ARHGEF25: variants seen among roughly 807,000 people sequenced by gnomAD.
The protein encoded by ARHGEF25 is Rho guanine nucleotide exchange factor 25.
In ARHGEF25, 42 loss-of-function variants were observed where a neutral mutation model predicts 74.0. The observed-to-expected ratio is 0.57, with a 90% CI of 0.44 to 0.73. The LOEUF (loss-of-function observed/expected upper bound fraction) is 0.73. Among genes scored for constraint, ARHGEF25 ranks in the 30% least tolerant of loss-of-function variants. The pLI is 0.00. For synonymous variants in ARHGEF25, 293 were observed against 278.6 expected, an observed-to-expected ratio of 1.05 and a Z score of -0.51; for missense variants, 645 against 725.5, an observed-to-expected ratio of 0.89 and a Z score of 1.27.
Position 57,615,264 on chromosome 12 carries a change from C to CCCAA in ARHGEF25, c.989_992dup (p.Lys331AsnfsTer17). Reference sequence around the variant, plus strand: ...AGCTGTGGAGGTCATGTGCTTTGTGCCCAAGCGCTGCAACGATATGATGAC... The same window carrying CCCAA: ...AGCTGTGGAGGTCATGTGCTTTGTGCCCAACCAAGCGCTGCAACGATATGATGAC... On this transcript the variant is annotated frameshift_variant, in exon 11 of 15. Coordinates refer to ENST00000286494, the MANE Select transcript of ARHGEF25 (RefSeq NM_182947.4). LOFTEE classifies it high-confidence loss of function. 6.2e-7 allele frequency: 1 copy of CCCAA among 1,607,758 alleles called. No individual in the cohort carries two copies. Among genetic ancestry groups the CCCAA allele is most frequent in the African/African-American group, 1.3e-5 (1 of 74,686 alleles).
At chr12:57,613,976 G>T (rs369082821) in intron 5 of ARHGEF25, 40 bp from the exon 6 acceptor site, 1 of 1,589,808 alleles carries the variant, frequency 6.3e-7, no homozygotes, top group African/African-American at 1.3e-5. Flanking sequence ...TGGGGAGAGG[G>T]CCACCACATG....
chr12:57,616,633 C>A, intron 14 of ARHGEF25, 138 bp downstream of exon 14: 1 of 1,011,146 alleles, frequency 9.9e-7, no homozygotes, highest in East Asian at 2.4e-5. Context: ...CGCTTCTCCC[C>A]TCTATTTTAA....
chr12:57,612,032 CG>C, intron 1 of ARHGEF25, 41 bp downstream of exon 1: 1 of 1,118,538 alleles, frequency 8.9e-7, no homozygotes, highest in Non-Finnish European at 1.2e-6. Context: ...GAGTGGGGGG[CG>C]GGCTGGGGGT....
Position 57,615,596 on chromosome 12 carries a change from C to T in ARHGEF25, c.1123C>T (p.Arg375Ter), listed in dbSNP as rs757021330. Residue 375 changes from arginine to a stop codon, truncating the protein, a stop_gained, in exon 12 of 15, where the codon CGA becomes TGA. Coordinates refer to ENST00000286494, the MANE Select transcript of ARHGEF25 (RefSeq NM_182947.4). LOFTEE classifies it high-confidence loss of function. ...TGAGGCTGGAGGGCTGCTGTCTTCC[C>T]GAGGTCGAGAGAGGCGCGTCTTCCT... ...EPEAGGLLSS[R>*]GRERRVFLFE... is the part of the protein sequence containing the mutation. 18 of 1,614,038 alleles carry T rather than the reference C, an allele frequency of 1.1e-5. No homozygotes were observed. The highest frequency in any genetic ancestry group is 4.5e-5 in the East Asian group (2 of 44,898).
At chr12:57,613,942 T>G in intron 5 of ARHGEF25, 74 bp from the exon 6 acceptor site, 1 of 1,523,842 alleles carries the variant, frequency 6.6e-7, no homozygotes, top group Non-Finnish European at 9.1e-7. Flanking sequence ...CACCCTGGAT[T>G]TGTGTACAGG....
In ARHGEF25 at chr12:57,616,358, G is replaced by C; in HGVS notation, c.1495G>C (p.Val499Leu). Residue 499 changes from valine (V) to leucine (L), a missense_variant, in exon 14 of 15, where the codon GTG (valine) becomes CTG (leucine). By Grantham distance (32) the Val-to-Leu change is conservative. Around this residue, in one of 3 missense-constraint regions of ARHGEF25, gnomAD observed 262 missense variants for 256.9 expected, o/e 1.02. Coordinates refer to ENST00000286494, the MANE Select transcript of ARHGEF25 (RefSeq NM_182947.4). ...NSLGRPRGPG[V>L]GSPGRIQLGD... ...CCTGGGGCGGCCAAGAGGGCCTGGA[G>C]TGGGGAGCCCTGGAAGAATTCAGCT... 3 of 1,614,118 alleles carry C rather than the reference G, an allele frequency of 1.9e-6. No individual in the cohort carries two copies. The highest frequency in any genetic ancestry group is 1.7e-6 in the Non-Finnish European group (2 of 1,180,032).
Position 57,616,421 on chromosome 12 carries a change from A to G in ARHGEF25, c.1558A>G (p.Asn520Asp), listed in dbSNP as rs758040973. 1.9e-6 allele frequency: 3 copies of G among 1,613,974 alleles called. No homozygotes were observed. In the East Asian group the frequency reaches 6.7e-5, roughly 36 times the overall value. ...QAQGSTHTPI[N>D]GSLPSLLLSP... ...CCAGGGCAGCACACACACACCCATC[A>G]ATGGCTCTCTCCCCTCTCTGCTGCT... The change falls in exon 14 of 15, where the codon AAT becomes GAT. Residue 520 changes from asparagine (N) to aspartate (D), a missense_variant. Asn to Asp is a conservative substitution (Grantham distance 23). This residue lies in a region of ARHGEF25 where 262 missense variants were observed against 256.9 expected (regional missense o/e 1.02). Transcript: ENST00000286494.
chr12:57,616,349 G>A lies in ARHGEF25; in HGVS notation c.1486G>A (p.Gly496Arg), dbSNP rs79529064. 1.1e-3 allele frequency: 1,815 copies of A among 1,614,102 alleles called. 32 individuals are homozygous for A. The East Asian group carries it at 0.031, about 28-fold the overall frequency. The change falls in exon 14 of 15, where the codon GGG (glycine) becomes AGG (arginine). Residue 496 changes from glycine to arginine, a missense_variant. Gly to Arg is a moderately radical substitution (Grantham distance 125). Coordinates refer to ENST00000286494, the MANE Select transcript of ARHGEF25 (RefSeq NM_182947.4). The stretch of plus-strand genomic sequence containing the variant: ...GACCAACAGCCTGGGGCGGCCAAGA[G>A]GGCCTGGAGTGGGGAGCCCTGGAAG... ...SQTNSLGRPR[G>R]PGVGSPGRIQ...
intron 14 of ARHGEF25, 66 bp from the exon 15 acceptor site, chr12:57,616,718 T>C (rs951974926): frequency 4.8e-6 from 6 of 1,240,160 alleles, no homozygotes; most frequent in Non-Finnish European, 6.9e-6. Flanking sequence ...GGACTTAAAC[T>C]GAAAAGAGAG....
At chr12:57,610,624 A>G (rs2140217780), upstream of ARHGEF25, 2 of 1,612,328 alleles carry the variant, frequency 1.2e-6, no homozygotes, top group Non-Finnish European at 1.7e-6. Context: ...GTCTGAACGT[A>G]CGGAGGGAGA....
intron 5 of ARHGEF25, 57 bp downstream of exon 5, chr12:57,613,817 C>A: frequency 1.9e-6 from 3 of 1,595,054 alleles, no homozygotes; most frequent in Non-Finnish European, 8.6e-7. Flanking sequence ...CTGCCCAGGG[C>A]TATTTTCAGG....
chr12:57,612,952 T>C lies in ARHGEF25; in HGVS notation c.120T>C (p.Ser40=). 1.9e-6 allele frequency: 3 copies of C among 1,613,928 alleles called. No individual in the cohort carries two copies. The South Asian group carries it at 3.3e-5, about 18-fold the overall frequency. ...TAGAATCCTATTCCATTGCGGGCAG[T>C]GAGGGGAGTATATCGGCTTCTGCTG... ...GGRESYSIAG[S]EGSISASAAS... The change falls in exon 2 of 15, where the codon AGT becomes AGC. Residue 40 remains serine, a synonymous_variant. Transcript: ENST00000286494.
At chr12:57,615,742 G>T in intron 12 of ARHGEF25, 30 bp downstream of exon 12, 4 of 1,612,716 alleles carry the variant, frequency 2.5e-6, no homozygotes, top group Non-Finnish European at 3.4e-6. Flanking sequence ...GGAGGGCTTG[G>T]AGAGAGAGAG....
At position 57,615,278 on chromosome 12, in the gene ARHGEF25, C is replaced by A. The variant is rs755937306; in HGVS notation, c.1002C>A (p.Asn334Lys). Residue 334 changes from asparagine to lysine, a missense_variant, in exon 11 of 15, where the codon AAC (asparagine) becomes AAA (lysine). This residue lies in a region of ARHGEF25 where 194 missense variants were observed against 269.4 expected (regional missense o/e 0.72). Coordinates refer to ENST00000286494, the MANE Select transcript of ARHGEF25 (RefSeq NM_182947.4). ...EVMCFVPKRC[N>K]DMMTLGRLRG... is the part of the protein sequence containing the mutation. ...TGTGCTTTGTGCCCAAGCGCTGCAACGATATGATGACGCTGGGGAGATTGC... is the reference window on the plus strand; with the variant it reads ...TGTGCTTTGTGCCCAAGCGCTGCAAAGATATGATGACGCTGGGGAGATTGC... The A allele has an allele frequency of 1.9e-6, 3 of 1,609,172 alleles. No homozygotes were observed. Among genetic ancestry groups the A allele is most frequent in the Non-Finnish European group, 2.5e-6 (3 of 1,177,822 alleles).
upstream of ARHGEF25, chr12:57,610,797 C>T (rs1884008362): frequency 2.4e-6 from 2 of 833,082 alleles, no homozygotes; most frequent in Non-Finnish European, 3.5e-6. Flanking sequence ...GCATGAGACC[C>T]ATTTAATCGC....
In ARHGEF25 at chr12:57,611,792, A is replaced by G. The variant is rs1884059405; in HGVS notation, c.-103A>G. On this transcript the variant is annotated 5_prime_UTR_variant, in exon 1 of 15. Coordinates refer to ENST00000286494, the MANE Select transcript of ARHGEF25 (RefSeq NM_182947.4). The surrounding 1 kb of genome is among the most constrained non-coding windows in gnomAD (Gnocchi z 4.5). ...CCCCTCCCACAGCCTGGACCGGGGT[A>G]GGAGGGAGGGGGGGTGTGCGCCCGG... The G allele has an allele frequency of 9.7e-7, 1 of 1,033,512 alleles. No individual in the cohort carries two copies. The highest frequency in any genetic ancestry group is 1.2e-6 in the Non-Finnish European group (1 of 833,144). 64.0% of individuals were successfully genotyped at this position (1,033,512 alleles called of 1,614,324 possible).
Position 57,611,794 on chromosome 12 carries a change from G to A in ARHGEF25, c.-101G>A. ...CCTCCCACAGCCTGGACCGGGGTAG[G>A]AGGGAGGGGGGGTGTGCGCCCGGCG... On this transcript the variant is annotated 5_prime_UTR_variant, in exon 1 of 15. Transcript: ENST00000286494. The surrounding 1 kb of genome is among the most constrained non-coding windows in gnomAD (Gnocchi z 4.5). The A allele has an allele frequency of 8.7e-7, 1 of 1,146,998 alleles. No individual in the cohort carries two copies. Among genetic ancestry groups the A allele is most frequent in the Non-Finnish European group, 1.1e-6 (1 of 914,516 alleles). The allele number at this position is 1,146,998 out of a possible 1,614,324, so 71.1% of individuals were successfully genotyped here.
At position 57,614,197 on chromosome 12, in the gene ARHGEF25, T is replaced by C. The variant is rs1884180939; in HGVS notation, c.656+78T>C. 1.3e-6 allele frequency: 2 copies of C among 1,585,908 alleles called. No individual in the cohort carries two copies. The highest frequency in any genetic ancestry group is 1.3e-5 in the African/African-American group (1 of 74,242). ...TGTCCTGTATCCTAACATCAGCCCA[T>C]TGCGACTTAAGGAATGTTTGGAGAA... On this transcript the variant is annotated intron_variant, in intron 6 of 14. Transcript: ENST00000286494. The surrounding 1 kb of genome is among the most constrained non-coding windows in gnomAD (Gnocchi z 4.6).
intron 14 of ARHGEF25, 114 bp downstream of exon 14, chr12:57,616,609 C>T (rs1884303656): frequency 2.8e-6 from 3 of 1,070,588 alleles, no homozygotes; most frequent in African/African-American, 3.2e-5. Flanking sequence ...GTCCTTCCTA[C>T]TTCCCATCCC....
Sources: gnomAD v4.1 joint callset for allele counts on GRCh38, gnomAD v4.1.1 for gene constraint, gnomAD v4.1.1 regional missense constraint, Gnocchi (gnomAD v3.1) non-coding constraint, MANE v1.5 for transcripts, NCBI Gene and HGNC (gene_info 2026-07-23, HGNC 2026-07-21) for gene names.